The following OXCT1 variants were observed in gnomAD, a reference collection of about 807,000 sequenced individuals.
OXCT1 encodes succinyl-CoA:3-ketoacid coenzyme A transferase 1, mitochondrial.
Under a neutral mutation model 69.6 loss-of-function variants are expected in OXCT1, and 27 were observed. That is an observed-to-expected ratio of 0.39 (90% CI 0.29 to 0.54). The LOEUF is 0.54. Among genes scored for constraint, OXCT1 ranks in the 20% least tolerant of loss-of-function variants. The probability of loss-of-function intolerance (pLI) is 0.72; values close to 1 mark genes in which losing one functional copy is unlikely to be tolerated. For synonymous variants in OXCT1, 202 were observed against 217.8 expected, an observed-to-expected ratio of 0.93 and a Z score of 0.64; for missense variants, 437 against 650.2, an observed-to-expected ratio of 0.67 and a Z score of 3.57.
Position 41,794,719 on chromosome 5 carries a change from G to A in OXCT1, c.1130C>T (p.Ala377Val). The change falls in exon 12 of 17, where the codon GCC (alanine) becomes GTC (valine). Residue 377 changes from alanine to valine, a missense_variant. Physicochemically the swap from Ala to Val is moderately conservative, Grantham distance 64. Around this residue, in one of 4 missense-constraint regions of OXCT1, gnomAD observed 4 missense variants for 29.3 expected, o/e 0.14. Transcript: ENST00000196371. The part of the protein sequence containing the change: ...GKETVTILPG[A>V]SFFSSDESFA... ...TGATTCATCGCTGGAGAAAAAAGAG[G>A]CTCCTGGAAGAATAGTAACTGTTTC... The A allele has an allele frequency of 6.2e-7, 1 of 1,613,684 alleles. No homozygotes were observed. The highest frequency in any genetic ancestry group is 8.5e-7 in the Non-Finnish European group (1 of 1,179,994).
intron 13 of OXCT1, among the ~76,000 whole-genome samples, chr5:41,763,649 G>A (rs1355867254): frequency 6.6e-6 from 1 of 152,098 alleles, no homozygotes; most frequent in Non-Finnish European, 1.5e-5. Flanking sequence ...AATCTGCTAT[G>A]GTAAGAACAT....
chr5:41,759,450 T>C (rs1744242784), intron 14 of OXCT1, among the ~76,000 whole-genome samples: 2 of 152,070 alleles, frequency 1.3e-5, no homozygotes, highest in African/African-American at 4.8e-5. Context: ...AAAAAAAACT[T>C]TGCCTACTTC....
chr5:41,758,162 G>T (rs1311876715), intron 14 of OXCT1, among the ~76,000 whole-genome samples: 2 of 152,000 alleles, frequency 1.3e-5, no homozygotes, highest in Non-Finnish European at 2.9e-5. Flanking sequence ...AGTGCTTGGT[G>T]TACGTAGGGG....
At chr5:41,812,435 T>C (rs997103760) in intron 7 of OXCT1, among the ~76,000 whole-genome samples, 2 of 152,042 alleles carry the variant, frequency 1.3e-5, no homozygotes, top group Non-Finnish European at 1.5e-5. Context: ...AAGAAATGAA[T>C]GTAACAACAT....
At chr5:41,756,062 C>T (rs1307549300) in intron 14 of OXCT1, among the ~76,000 whole-genome samples, 1 of 152,034 alleles carries the variant, frequency 6.6e-6, no homozygotes, top group African/African-American at 2.4e-5. Context: ...AATTAAAAAA[C>T]ACAAGGTTTA....
chr5:41,789,322 A>AAC (rs1397405548), intron 13 of OXCT1, among the ~76,000 whole-genome samples: 1 of 152,220 alleles, frequency 6.6e-6, no homozygotes, highest in Non-Finnish European at 1.5e-5. Context: ...TGGTACATGC[A>AAC]ACACAGTTTG....
intron 16 of OXCT1, among the ~76,000 whole-genome samples, chr5:41,732,127 A>G (rs1368428813): frequency 2.0e-5 from 3 of 152,156 alleles, no homozygotes; most frequent in Non-Finnish European, 4.4e-5. Context: ...TTCACTTAAG[A>G]CGCAGTACAA....
intron 7 of OXCT1, among the ~76,000 whole-genome samples, chr5:41,813,219 A>T (rs1390967114): frequency 6.6e-6 from 1 of 152,050 alleles, no homozygotes; most frequent in Non-Finnish European, 1.5e-5. Flanking sequence ...AAAATCAACA[A>T]ATACAAACTA....
intron 16 of OXCT1, among the ~76,000 whole-genome samples, chr5:41,732,285 A>G (rs1742671990): frequency 6.6e-6 from 1 of 152,216 alleles, no homozygotes; most frequent in African/African-American, 2.4e-5. Context: ...TCATAATCAG[A>G]ATAGAAATGA....
At chr5:41,823,612 AATTGTTG>A (rs1226558606) in intron 7 of OXCT1, among the ~76,000 whole-genome samples, 1 of 152,120 alleles carries the variant, frequency 6.6e-6, no homozygotes, top group Non-Finnish European at 1.5e-5. Context: ...ATCTAAGAAT[AATTGTTG>A]ATTTTTCAGT....
chr5:41,841,253 C>G (rs1424350101), intron 6 of OXCT1, among the ~76,000 whole-genome samples: 1 of 152,112 alleles, frequency 6.6e-6, no homozygotes, highest in Non-Finnish European at 1.5e-5. Context: ...TAAGTCACAG[C>G]TATGTTTTAC....
intron 13 of OXCT1, among the ~76,000 whole-genome samples, chr5:41,773,755 C>T (rs1443466691): frequency 1.3e-5 from 2 of 152,046 alleles, no homozygotes; most frequent in Non-Finnish European, 2.9e-5. Flanking sequence ...TCTTGATAGG[C>T]CAATGTTTCA....
chr5:41,813,573 T>C (rs751259007), intron 7 of OXCT1, among the ~76,000 whole-genome samples: 2 of 152,092 alleles, frequency 1.3e-5, no homozygotes, highest in Non-Finnish European at 2.9e-5. Flanking sequence ...TCAACATATT[T>C]ACAAGGCTTT....
At chr5:41,830,426 GT>G (rs1339670537) in intron 7 of OXCT1, among the ~76,000 whole-genome samples, 2 of 152,200 alleles carry the variant, frequency 1.3e-5, no homozygotes, top group Non-Finnish European at 2.9e-5. Context: ...ATTAGGAACA[GT>G]TTTTTGCTAA....
At chr5:41,863,545 T>C (rs1055393911) in intron 1 of OXCT1, among the ~76,000 whole-genome samples, 3 of 152,170 alleles carry the variant, frequency 2.0e-5, no homozygotes, top group African/African-American at 7.2e-5. Flanking sequence ...AAGTGACTCA[T>C]ACTTAAAAGT....
rs867757036 is a variant in OXCT1, at chr5:41,844,289, C to A, written c.565-1508G>T. On this transcript the variant is annotated intron_variant, in intron 5 of 16. Coordinates refer to ENST00000196371, the MANE Select transcript of OXCT1 (RefSeq NM_000436.4). ...TCTTGAATCTAATGAGATTTTCATC[C>A]CCTCTATTCCAAAAAGGAATAATTC... 7.8e-4 allele frequency among the ~76,000 whole-genome samples: 119 copies of A among 152,236 alleles called. 2 individuals are homozygous for A. The highest frequency in any genetic ancestry group is 1.9e-3 in the African/African-American group (79 of 41,556).
At chr5:41,766,170 G>T (rs772577088) in intron 13 of OXCT1, among the ~76,000 whole-genome samples, 3 of 152,074 alleles carry the variant, frequency 2.0e-5, no homozygotes, top group African/African-American at 7.2e-5. Context: ...ATGATTGCTG[G>T]ATGCTCATTT....
chr5:41,759,990 T>C (rs1370161146), intron 14 of OXCT1, among the ~76,000 whole-genome samples: 1 of 152,148 alleles, frequency 6.6e-6, no homozygotes, highest in Non-Finnish European at 1.5e-5. Context: ...AGAAGTTACC[T>C]GGCATATCTA....
chr5:41,837,552 T>C (rs948491317), intron 7 of OXCT1, among the ~76,000 whole-genome samples: 2 of 143,232 alleles, frequency 1.4e-5, no homozygotes, highest in Non-Finnish European at 3.0e-5. Flanking sequence ...CTAAGGTAGA[T>C]GGTACTAGAA....
Sources: allele counts gnomAD v4.1 joint callset (sites outside exome capture counted in the v4.1 genomes callset), GRCh38; gene constraint gnomAD v4.1.1; regional missense constraint gnomAD v4.1.1; transcripts MANE v1.5; gene names NCBI Gene and HGNC (gene_info 2026-07-23, HGNC 2026-07-21).